The following LRRTM4 variants were observed in gnomAD, a reference collection of about 807,000 sequenced individuals.
LRRTM4 encodes leucine rich repeat transmembrane neuronal 4, also known as leucine-rich repeat transmembrane neuronal protein 4.
LRRTM4 carries 25 observed loss-of-function variants against 47.6 expected under a neutral mutation model. The ratio of observed to expected loss-of-function variants is 0.53; its 90% CI spans 0.38 to 0.73. The LOEUF (loss-of-function observed/expected upper bound fraction) is 0.73, where lower values mean the gene tolerates loss of function less well. Ranked by LOEUF, LRRTM4 falls within the 30% of genes least tolerant of loss-of-function variation. The probability of loss-of-function intolerance (pLI) is 0.00; values close to 1 mark genes in which losing one functional copy is unlikely to be tolerated. For missense variants in LRRTM4, 638 were observed against 713.4 expected (o/e 0.89, Z 1.20); for synonymous variants, 311 against 269.5 (o/e 1.15, Z -1.51).
chr2:77,431,129 TTC>T (rs1157022388), intron 3 of LRRTM4, among the ~76,000 whole-genome samples: 3 of 149,110 alleles, frequency 2.0e-5, no homozygotes, highest in Non-Finnish European at 4.4e-5. Context: ...GTAGTGAGAC[TTC>T]TCAGCCTCCA....
chr2:76,943,062 T>C (rs949168931), intron 3 of LRRTM4, among the ~76,000 whole-genome samples: 5 of 152,152 alleles, frequency 3.3e-5, no homozygotes, highest in Non-Finnish European at 7.4e-5. Context: ...TACCATAAAA[T>C]AGTAATCTGT....
intron 3 of LRRTM4, among the ~76,000 whole-genome samples, chr2:76,762,667 CTAAT>C (rs1273990390): frequency 2.0e-5 from 3 of 152,086 alleles, no homozygotes; most frequent in African/African-American, 7.2e-5. Context: ...TTGATTTAGA[CTAAT>C]TAAGTAGGAC....
chr2:77,283,874 T>C (rs1676580032), intron 3 of LRRTM4, among the ~76,000 whole-genome samples: 1 of 152,024 alleles, frequency 6.6e-6, no homozygotes, highest in Non-Finnish European at 1.5e-5. Flanking sequence ...TTGATCATTA[T>C]GCTTAGTACC....
intron 3 of LRRTM4, among the ~76,000 whole-genome samples, chr2:77,424,090 C>T (rs1176746541): frequency 7.2e-6 from 1 of 139,004 alleles, no homozygotes; most frequent in Non-Finnish European, 1.6e-5. Flanking sequence ...ATATCAACAA[C>T]TTTATGGGTG....
At chr2:77,205,658 A>T (rs566702565) in intron 3 of LRRTM4, among the ~76,000 whole-genome samples, 1 of 152,276 alleles carries the variant, frequency 6.6e-6, no homozygotes, top group Admixed American at 6.5e-5. Flanking sequence ...CTTAGAGCAC[A>T]TTCACAGTCT....
intron 3 of LRRTM4, among the ~76,000 whole-genome samples, chr2:77,102,707 T>A (rs1378080519): frequency 6.6e-6 from 1 of 152,178 alleles, no homozygotes; most frequent in Admixed American, 6.5e-5. Flanking sequence ...TAAGAAACTC[T>A]GGAGTTATTG....
chr2:77,073,824 T>C (rs1680244327), intron 3 of LRRTM4, among the ~76,000 whole-genome samples: 1 of 152,090 alleles, frequency 6.6e-6, no homozygotes, highest in Non-Finnish European at 1.5e-5. Context: ...TCACTATGGC[T>C]AAATCTGTGA....
At chr2:76,990,665 C>T (rs1005362529) in intron 3 of LRRTM4, among the ~76,000 whole-genome samples, 1 of 151,668 alleles carries the variant, frequency 6.6e-6, no homozygotes, top group Non-Finnish European at 1.5e-5. Context: ...AGGTCTAGAC[C>T]TACAAAAAGA....
intron 3 of LRRTM4, among the ~76,000 whole-genome samples, chr2:77,012,104 GC>G (rs1677896518): frequency 4.6e-5 from 7 of 152,008 alleles, no homozygotes; most frequent in Admixed American, 3.3e-4. Flanking sequence ...TGTGGCCAAT[GC>G]AAACCTGAAA....
chr2:77,176,349 T>C (rs1431860861), intron 3 of LRRTM4, among the ~76,000 whole-genome samples: 2 of 152,174 alleles, frequency 1.3e-5, no homozygotes, highest in African/African-American at 4.8e-5. Context: ...GGATGACCAA[T>C]GATTTCAGTT....
chr2:76,841,372 A>T (rs911554076), intron 3 of LRRTM4, among the ~76,000 whole-genome samples: 1 of 151,888 alleles, frequency 6.6e-6, no homozygotes, highest in East Asian at 1.9e-4. Flanking sequence ...ACATGTATAC[A>T]TATGTAACAA....
intron 3 of LRRTM4, among the ~76,000 whole-genome samples, chr2:77,062,542 C>G (rs1245531505): frequency 1.3e-5 from 2 of 152,022 alleles, no homozygotes; most frequent in African/African-American, 4.8e-5. Context: ...CTCCACAAAC[C>G]CTTATCTGGA....
intron 3 of LRRTM4, among the ~76,000 whole-genome samples, chr2:76,771,137 T>C (rs1489889566): frequency 6.6e-6 from 1 of 152,214 alleles, no homozygotes; most frequent in Admixed American, 6.5e-5. Context: ...AAAAAACTTT[T>C]TACAAGGTAA....
chr2:77,070,496 AAAT>A (rs991351585), intron 3 of LRRTM4, among the ~76,000 whole-genome samples: 39 of 145,918 alleles, frequency 2.7e-4, no homozygotes, highest in Admixed American at 1.3e-3. Context: ...AAGCAAACTA[AAAT>A]ATTATTATCA....
intron 3 of LRRTM4, among the ~76,000 whole-genome samples, chr2:77,137,128 C>T (rs574996412): frequency 6.6e-6 from 1 of 151,674 alleles, no homozygotes; most frequent in African/African-American, 2.4e-5. Context: ...ACATAGAGTA[C>T]CACAAAGATA....
intron 3 of LRRTM4, among the ~76,000 whole-genome samples, chr2:77,320,530 CTGT>C (rs1357184241): frequency 3.3e-5 from 5 of 152,152 alleles, no homozygotes; most frequent in Non-Finnish European, 7.3e-5. Flanking sequence ...TTAAGAAAGT[CTGT>C]CTCAAAAGGA....
intron 3 of LRRTM4, among the ~76,000 whole-genome samples, chr2:76,771,077 A>C (rs1029263860): frequency 2.6e-5 from 4 of 152,174 alleles, no homozygotes; most frequent in African/African-American, 9.7e-5. Context: ...CTTAACATTT[A>C]ATATTTGCCT....
intron 3 of LRRTM4, among the ~76,000 whole-genome samples, chr2:77,443,835 C>G (rs1675941232): frequency 1.3e-5 from 2 of 152,030 alleles, no homozygotes; most frequent in Non-Finnish European, 2.9e-5. Context: ...TTTCACCAAA[C>G]TGATTTATAT....
At chr2:76,944,558 G>A (rs1030756588) in intron 3 of LRRTM4, among the ~76,000 whole-genome samples, 3 of 152,092 alleles carry the variant, frequency 2.0e-5, no homozygotes, top group African/African-American at 7.2e-5. Flanking sequence ...TTCTGAACAT[G>A]AAAGGAGATG....
Sources: allele counts gnomAD v4.1 joint callset (sites outside exome capture counted in the v4.1 genomes callset), GRCh38; gene constraint gnomAD v4.1.1; transcripts MANE v1.5; gene names NCBI Gene and HGNC (gene_info 2026-07-23, HGNC 2026-07-21).